STIMATE: variants seen among roughly 807,000 people sequenced by gnomAD.
STIMATE encodes the protein STIM activating enhancer, also known as store-operated calcium entry regulator STIMATE.
STIMATE carries 15 observed loss-of-function variants against 36.7 expected under a neutral mutation model. The ratio of observed to expected loss-of-function variants is 0.41; its 90% CI spans 0.27 to 0.63. The LOEUF (loss-of-function observed/expected upper bound fraction) is 0.63, where lower values mean the gene tolerates loss of function less well. Among genes scored for constraint, STIMATE ranks in the 20% least tolerant of loss-of-function variants. The pLI, the probability that STIMATE is intolerant of heterozygous loss-of-function variation, is 0.32. For missense variants in STIMATE, 305 were observed against 397.3 expected (o/e 0.77, Z 1.98); for synonymous variants, 163 against 162.3 (o/e 1.00, Z -0.03).
chr3:52,853,038 T>G (rs748896384), intron 2 of STIMATE, among the ~76,000 whole-genome samples: 2 of 152,148 alleles, frequency 1.3e-5, no homozygotes, highest in Non-Finnish European at 1.5e-5. Flanking sequence ...TCACTCACAA[T>G]GAGCTAAATT....
intron 1 of STIMATE, among the ~76,000 whole-genome samples, chr3:52,893,360 A>G (rs1051263858): frequency 6.6e-6 from 1 of 152,160 alleles, no homozygotes; most frequent in African/African-American, 2.4e-5. Flanking sequence ...TTTACCTTCA[A>G]ATGGCTCAGC....
intron 1 of STIMATE, among the ~76,000 whole-genome samples, chr3:52,870,487 C>T (rs899549070): frequency 1.3e-5 from 2 of 151,900 alleles, no homozygotes; most frequent in African/African-American, 4.8e-5. Context: ...AATGCTGGTG[C>T]TGGGAGGTGA....
chr3:52,877,294 C>T (rs1017919304), intron 1 of STIMATE, among the ~76,000 whole-genome samples: 1 of 152,246 alleles, frequency 6.6e-6, no homozygotes, highest in Non-Finnish European at 1.5e-5. Context: ...CCACCTGCCA[C>T]TGGCTGCGGC....
intron 1 of STIMATE, among the ~76,000 whole-genome samples, chr3:52,861,324 T>C (rs1701212079): frequency 6.6e-6 from 1 of 152,200 alleles, no homozygotes; most frequent in Non-Finnish European, 1.5e-5. Flanking sequence ...ACAGGTCCCA[T>C]TCCATTGCTT....
At chr3:52,893,184 T>C (rs1202885345) in intron 1 of STIMATE, among the ~76,000 whole-genome samples, 2 of 152,222 alleles carry the variant, frequency 1.3e-5, no homozygotes. Context: ...AAAAGACTTG[T>C]GACATTTGGG....
intron 1 of STIMATE, among the ~76,000 whole-genome samples, chr3:52,870,693 G>A (rs1701387602): frequency 6.6e-6 from 1 of 152,164 alleles, no homozygotes; most frequent in Non-Finnish European, 1.5e-5. Context: ...TGCTCCTCAG[G>A]CTGGTCAAGC....
intron 1 of STIMATE, among the ~76,000 whole-genome samples, chr3:52,885,660 G>A (rs2106726312): frequency 6.6e-6 from 1 of 152,362 alleles, no homozygotes; most frequent in East Asian, 1.9e-4. Flanking sequence ...AGCTAAGGTG[G>A]AGAGCTTTCC....
Position 52,881,382 on chromosome 3 carries a change from G to C in STIMATE, c.160+15909C>G, listed in dbSNP as rs867883527. ...CCTACTCTGGATGACAGGTTTGCTG[G>C]TATCTGAGCCTGTTTAAACTATCTT... On this transcript the variant is annotated intron_variant, in intron 1 of 7. Transcript: ENST00000355083. Among the ~76,000 whole-genome samples the C allele has an allele frequency of 3.3e-5, 5 of 152,178 alleles. No individual in the cohort carries two copies. In the Middle Eastern group the frequency reaches 0.017, roughly 518 times the overall value.
At chr3:52,851,719 AC>A (rs1438585812) in intron 3 of STIMATE, among the ~76,000 whole-genome samples, 2 of 152,338 alleles carry the variant, frequency 1.3e-5, no homozygotes, top group South Asian at 4.1e-4. Context: ...GTACATACAG[AC>A]CTTACTTTCA....
At chr3:52,880,372 CAA>C (rs1701582765) in intron 1 of STIMATE, among the ~76,000 whole-genome samples, 1 of 152,182 alleles carries the variant, frequency 6.6e-6, no homozygotes, top group African/African-American at 2.4e-5. Context: ...AAAACACTGT[CAA>C]GAGTGGACCA....
At chr3:52,866,750 A>G (rs1412560430) in intron 1 of STIMATE, among the ~76,000 whole-genome samples, 1 of 152,224 alleles carries the variant, frequency 6.6e-6, no homozygotes, top group African/African-American at 2.4e-5. Flanking sequence ...CCCACTGACT[A>G]GCAGAAGGAA....
intron 1 of STIMATE, among the ~76,000 whole-genome samples, chr3:52,858,802 G>A (rs566307236): frequency 1.6e-4 from 24 of 152,286 alleles, no homozygotes; most frequent in African/African-American, 5.1e-4. Flanking sequence ...ATGCCTGTCG[G>A]TATGGGGTTA....
At chr3:52,882,039 G>A (rs549307438) in intron 1 of STIMATE, among the ~76,000 whole-genome samples, 153 of 152,358 alleles carry the variant, frequency 1.0e-3, no homozygotes, top group South Asian at 5.2e-3. Flanking sequence ...CGTAGTTCTG[G>A]CTCATGTTCT....
rs1463104785 is a variant in STIMATE, at chr3:52,855,400, T to C, written c.205A>G (p.Ile69Val). The C allele has an allele frequency of 6.3e-7, 1 of 1,577,248 alleles. No individual in the cohort carries two copies. Among genetic ancestry groups the C allele is most frequent in the East Asian group, 2.4e-5 (1 of 42,498 alleles). The change falls in exon 2 of 8, where the codon ATA (isoleucine) becomes GTA (valine). Residue 69 changes from isoleucine (I) to valine (V), a missense_variant. Ile to Val is a conservative substitution (Grantham distance 29). Around this residue, in one of 3 missense-constraint regions of STIMATE, gnomAD observed 164 missense variants for 257.9 expected, o/e 0.64. Transcript: ENST00000355083. ...AACTAATACCTAAACACATACCATA[T>C]CCTCCACGGACGTCTTTCATGCTTT... ...EPKHERRPWRIWFLDTSKQAI... is the reference protein window; with the variant it reads ...EPKHERRPWRVWFLDTSKQAI...
chr3:52,844,420 G>C (rs1187341959), intron 5 of STIMATE, among the ~76,000 whole-genome samples: 1 of 152,232 alleles, frequency 6.6e-6, no homozygotes, highest in Non-Finnish European at 1.5e-5. Flanking sequence ...GGGCTGGCCA[G>C]GGCATCGGCA....
intron 1 of STIMATE, among the ~76,000 whole-genome samples, chr3:52,859,213 G>A (rs1701163289): frequency 6.8e-6 from 1 of 147,718 alleles, no homozygotes; most frequent in African/African-American, 2.5e-5. Flanking sequence ...AAAACAATGA[G>A]GTAGATCTAT....
At chr3:52,874,829 G>A (rs765491956) in intron 1 of STIMATE, among the ~76,000 whole-genome samples, 1 of 152,152 alleles carries the variant, frequency 6.6e-6, no homozygotes, top group African/African-American at 2.4e-5. Context: ...GCGACAGAGG[G>A]AGATTCTGTC....
intron 1 of STIMATE, among the ~76,000 whole-genome samples, chr3:52,858,057 G>A (rs1425061129): frequency 6.6e-6 from 1 of 152,106 alleles, no homozygotes; most frequent in Non-Finnish European, 1.5e-5. Flanking sequence ...AAGGAGAGAG[G>A]CCTTGGAGGA....
chr3:52,862,864 G>T (rs1207910191), intron 1 of STIMATE, among the ~76,000 whole-genome samples: 1 of 152,104 alleles, frequency 6.6e-6, no homozygotes, highest in Admixed American at 6.5e-5. Context: ...TATGAGAGAT[G>T]GAGGAGAGAT....
Sources: gnomAD v4.1 joint callset for allele counts (sites outside exome capture counted in the v4.1 genomes callset) on GRCh38, gnomAD v4.1.1 for gene constraint, gnomAD v4.1.1 regional missense constraint, MANE v1.5 for transcripts, NCBI Gene and HGNC (gene_info 2026-07-23, HGNC 2026-07-21) for gene names.